Variants in SDK1 observed in about 807,000 individuals in gnomAD.
SDK1 encodes protein sidekick-1.
Under a neutral mutation model 245.5 loss-of-function variants are expected in SDK1, and 157 were observed. The ratio of observed to expected loss-of-function variants is 0.64; its 90% CI spans 0.56 to 0.73. SDK1 has a LOEUF of 0.73. Among genes scored for constraint, SDK1 ranks in the 30% least tolerant of loss-of-function variants. The pLI, the probability that SDK1 is intolerant of heterozygous loss-of-function variation, is 0.00. For missense variants in SDK1, 3,583 were observed against 3,002.3 expected (o/e 1.19, Z -4.52); for synonymous variants, 1,647 against 1,278.5 (o/e 1.29, Z -6.15).
intron 1 of SDK1, among the ~76,000 whole-genome samples, chr7:3,305,264 C>A (rs1195238102): frequency 1.3e-5 from 2 of 152,154 alleles, no homozygotes; most frequent in Non-Finnish European, 2.9e-5. Context: ...CACCTCAGAC[C>A]AGTTGGTTCT....
intron 4 of SDK1, among the ~76,000 whole-genome samples, chr7:3,727,790 C>T (rs976398463): frequency 5.3e-5 from 8 of 152,076 alleles, no homozygotes; most frequent in African/African-American, 7.2e-5. Flanking sequence ...CGCGCCCGGC[C>T]GAGAAATTTT....
chr7:3,622,922 A>C (rs2128645737), intron 2 of SDK1, among the ~76,000 whole-genome samples: 1 of 152,158 alleles, frequency 6.6e-6, no homozygotes, highest in East Asian at 1.9e-4. Context: ...ATGATATAAA[A>C]CCTGTCTAAA....
intron 22 of SDK1, among the ~76,000 whole-genome samples, chr7:4,100,466 G>A (rs186869125): frequency 5.9e-5 from 9 of 152,158 alleles, no homozygotes; most frequent in East Asian, 1.9e-4. Context: ...TGGACTGAGC[G>A]TGCCCCCAAT....
rs58559171 is a variant in SDK1, at chr7:3,524,308, G to C, written c.299-94772G>C. On this transcript the variant is annotated intron_variant, in intron 1 of 44. Coordinates refer to ENST00000404826, the MANE Select transcript of SDK1 (RefSeq NM_152744.4). ...GGTGGAAACAACAAAATCCTACTTA[G>C]GTTTTAACAAAATTACTGTGGTTGC... Among the ~76,000 whole-genome samples the C allele has an allele frequency of 1.1e-3, 163 of 152,098 alleles. 13 individuals carry two copies. The highest frequency in any genetic ancestry group is 1.5e-5 in the Non-Finnish European group (1 of 68,022).
At chr7:3,679,467 T>A (rs557099863) in intron 4 of SDK1, among the ~76,000 whole-genome samples, 16 of 152,252 alleles carry the variant, frequency 1.1e-4, no homozygotes, top group Non-Finnish European at 1.9e-4. Context: ...CTCGGGAGGC[T>A]GAGGCAGGAG....
chr7:4,258,117 C>A (rs73050227), intron 44 of SDK1, among the ~76,000 whole-genome samples: 5,207 of 152,274 alleles, frequency 0.034, 131 homozygotes, highest in Non-Finnish European at 0.054. Flanking sequence ...AGATCTTTGG[C>A]TGAGGAAACA....
intron 1 of SDK1, among the ~76,000 whole-genome samples, chr7:3,477,455 G>A (rs1372299015): frequency 6.6e-6 from 1 of 150,968 alleles, no homozygotes; most frequent in East Asian, 2.0e-4. Context: ...GCCTCCCAAA[G>A]TGTTGGGATT....
chr7:3,830,827 A>G (rs770707820), intron 5 of SDK1, among the ~76,000 whole-genome samples: 10 of 152,132 alleles, frequency 6.6e-5, no homozygotes, highest in Non-Finnish European at 1.2e-4. Flanking sequence ...TTTGGAACCT[A>G]ATTTCTTAGA....
intron 1 of SDK1, among the ~76,000 whole-genome samples, chr7:3,329,934 G>C (rs898971343): frequency 6.6e-6 from 1 of 152,140 alleles, no homozygotes; most frequent in Non-Finnish European, 1.5e-5. Flanking sequence ...CAAATACTAT[G>C]CTGTTTTATA....
In SDK1 at chr7:3,782,774, A is replaced by T. The variant is rs191565410; in HGVS notation, c.714-38676A>T. Among the ~76,000 whole-genome samples the T allele has an allele frequency of 9.8e-5, 15 of 152,328 alleles. 1 individual carries two copies. Among genetic ancestry groups the T allele is most frequent in the Admixed American group, 2.0e-4 (3 of 15,300 alleles). On this transcript the variant is annotated intron_variant, in intron 4 of 44. Transcript: ENST00000404826. ...GAAAAATATTAAAATTCAAAATTTG[A>T]ATTTAATATGTATTGCTTTTGCATT...
chr7:3,597,942 T>C (rs1781120323), intron 1 of SDK1, among the ~76,000 whole-genome samples: 1 of 152,164 alleles, frequency 6.6e-6, no homozygotes, highest in Non-Finnish European at 1.5e-5. Context: ...TTTTTCCTCT[T>C]GGGGGAAATA....
chr7:3,344,793 A>G (rs1188736347), intron 1 of SDK1, among the ~76,000 whole-genome samples: 1 of 152,144 alleles, frequency 6.6e-6, no homozygotes, highest in Non-Finnish European at 1.5e-5. Flanking sequence ...GTAAGTTCTG[A>G]GAGAATGAAC....
At chr7:3,937,416 C>G (rs545653781) in intron 5 of SDK1, among the ~76,000 whole-genome samples, 1 of 152,270 alleles carries the variant, frequency 6.6e-6, no homozygotes, top group South Asian at 2.1e-4. Context: ...AAAGGCCATG[C>G]GGCAGAACCA....
chr7:3,377,584 C>G (rs1353735458), intron 1 of SDK1, among the ~76,000 whole-genome samples: 1 of 152,072 alleles, frequency 6.6e-6, no homozygotes, highest in Non-Finnish European at 1.5e-5. Context: ...GACTCCCCGT[C>G]TCTGTGTCTG....
At chr7:4,213,366 C>T (rs552873433) in intron 38 of SDK1, among the ~76,000 whole-genome samples, 5 of 150,992 alleles carry the variant, frequency 3.3e-5, no homozygotes, top group African/African-American at 1.2e-4. Flanking sequence ...GAGCCGAGAT[C>T]GCGCCACTGC....
chr7:3,469,481 C>T (rs1781116885), intron 1 of SDK1, among the ~76,000 whole-genome samples: 1 of 152,116 alleles, frequency 6.6e-6, no homozygotes, highest in African/African-American at 2.4e-5. Flanking sequence ...CAGTAAATAG[C>T]ATGAGGTGAT....
intron 35 of SDK1, among the ~76,000 whole-genome samples, chr7:4,180,550 G>T (rs376224042): frequency 6.6e-6 from 1 of 151,916 alleles, no homozygotes; most frequent in Non-Finnish European, 1.5e-5. Flanking sequence ...TATGCCCAGC[G>T]CCCAGCTCCA....
chr7:3,707,768 C>T (rs1244369323), intron 4 of SDK1, among the ~76,000 whole-genome samples: 3 of 152,098 alleles, frequency 2.0e-5, no homozygotes, highest in African/African-American at 7.2e-5. Context: ...TGTAATTCTT[C>T]TTGTTGGATT....
chr7:3,933,336 C>T (rs1476561612), intron 5 of SDK1, among the ~76,000 whole-genome samples: 1 of 152,058 alleles, frequency 6.6e-6, no homozygotes, highest in East Asian at 1.9e-4. Context: ...TGGTCTCAAA[C>T]TTCTGGGCTC....
Sources: gnomAD v4.1 joint callset for allele counts (sites outside exome capture counted in the v4.1 genomes callset) on GRCh38, gnomAD v4.1.1 for gene constraint, MANE v1.5 for transcripts, NCBI Gene and HGNC (gene_info 2026-07-23, HGNC 2026-07-21) for gene names.